Variants in LIFR observed in about 807,000 individuals in gnomAD.
LIFR encodes leukemia inhibitory factor receptor.
Under a neutral mutation model 122.2 loss-of-function variants are expected in LIFR, and 84 were observed. The observed-to-expected ratio is 0.69, with a 90% CI of 0.58 to 0.82. LIFR has a LOEUF of 0.82. Among genes scored for constraint, LIFR ranks in the 40% least tolerant of loss-of-function variants. The probability of loss-of-function intolerance (pLI) is 0.00; values close to 1 mark genes in which losing one functional copy is unlikely to be tolerated. For synonymous variants in LIFR, 422 were observed against 434.7 expected (o/e 0.97, Z 0.36); for missense variants, 1,294 against 1,311.6 (o/e 0.99, Z 0.21).
At chr5:38,544,639 A>G (rs147308389) in intron 1 of LIFR, among the ~76,000 whole-genome samples, 3 of 152,242 alleles carry the variant, frequency 2.0e-5, no homozygotes, top group South Asian at 4.1e-4. Context: ...CCTATTTTAT[A>G]TCCTTCAGCG....
At chr5:38,567,494 C>CTGTATTTATTTATTTATTTATTTA (rs1749060365) in intron 1 of LIFR, among the ~76,000 whole-genome samples, 1 of 88,312 alleles carries the variant, frequency 1.1e-5, no homozygotes, top group Non-Finnish European at 2.5e-5. Flanking sequence ...TATGACCATT[C>CTGTATTTATTTATTTATTTATTTA]TGTATTTATT....
intron 4 of LIFR, among the ~76,000 whole-genome samples, chr5:38,524,070 G>A (rs140666087): frequency 1.3e-3 from 195 of 152,270 alleles, no homozygotes; most frequent in Admixed American, 3.1e-3. Context: ...AGAAGAAAAC[G>A]AGTTTCCTCT....
chr5:38,514,325 CAGATA>C (rs1345400483), intron 5 of LIFR, among the ~76,000 whole-genome samples: 1 of 152,052 alleles, frequency 6.6e-6, no homozygotes, highest in African/African-American at 2.4e-5. Context: ...TCCAGAAGAA[CAGATA>C]AAGATTGATC....
At chr5:38,502,327 G>T (rs1745224547) in intron 11 of LIFR, among the ~76,000 whole-genome samples, 1 of 151,654 alleles carries the variant, frequency 6.6e-6, no homozygotes, top group South Asian at 2.1e-4. Context: ...GCGCAATCTT[G>T]GCTCACTGCA....
At chr5:38,538,084 C>T (rs1747387237) in intron 1 of LIFR, among the ~76,000 whole-genome samples, 1 of 152,178 alleles carries the variant, frequency 6.6e-6, no homozygotes, top group Admixed American at 6.5e-5. Context: ...AAATTAATTT[C>T]AGTGTACAGT....
At chr5:38,529,514 T>C (rs995267557) in intron 2 of LIFR, among the ~76,000 whole-genome samples, 1 of 152,030 alleles carries the variant, frequency 6.6e-6, no homozygotes, top group Non-Finnish European at 1.5e-5. Context: ...AAAGTAACAA[T>C]TCAGAAGATT....
upstream of LIFR, chr5:38,556,725 C>CCCCCGG (rs1349293828): frequency 3.5e-5 from 5 of 142,810 alleles, no homozygotes; most frequent in Middle Eastern, 3.3e-3. Context: ...CCCGCCCCTG[C>CCCCCGG]CCCCGGCCCC....
chr5:38,475,339 C>A lies in LIFR; in HGVS notation c.*6256G>T. ...CAGACTGAATCACACACATGTACTT[C>A]ATCTATAGTTTTCTTCCTGTATAAG... On this transcript the variant is annotated 3_prime_UTR_variant, in exon 20 of 20. Coordinates refer to ENST00000453190, the MANE Select transcript of LIFR (RefSeq NM_001127671.2). 1 of 195,904 alleles carries A rather than the reference C, an allele frequency of 5.1e-6. No homozygotes were observed. Among genetic ancestry groups the A allele is most frequent in the African/African-American group, 2.3e-5 (1 of 43,400 alleles). The allele number at this position is 195,904 out of a possible 1,614,324, so 12.1% of individuals were successfully genotyped here. A position where few individuals can be genotyped will look rare whatever the true frequency, so the allele number is the denominator to read the frequency against.
intron 5 of LIFR, among the ~76,000 whole-genome samples, chr5:38,517,933 C>A: frequency 8.0e-6 from 1 of 124,576 alleles, no homozygotes. Context: ...AGTGAGACCC[C>A]ATCTCTATGA....
intron 14 of LIFR, among the ~76,000 whole-genome samples, chr5:38,493,361 G>A (rs555403876): frequency 6.6e-6 from 1 of 152,070 alleles, no homozygotes; most frequent in South Asian, 2.1e-4. Flanking sequence ...ATACTGTCAT[G>A]AACATTCTTA....
upstream of LIFR, among the ~76,000 whole-genome samples, chr5:38,560,529 T>C (rs1217237755): frequency 6.6e-6 from 1 of 152,182 alleles, no homozygotes; most frequent in African/African-American, 2.4e-5. Flanking sequence ...TGTCAAGTAA[T>C]TTGATAAATT....
intron 9 of LIFR, among the ~76,000 whole-genome samples, 189 bp from the exon 10 acceptor site, chr5:38,504,310 A>G (rs1486418747): frequency 6.6e-6 from 1 of 151,630 alleles, no homozygotes; most frequent in Non-Finnish European, 1.5e-5. Context: ...ATTTTTAAAC[A>G]ATCGATCATG....
At chr5:38,585,041 T>G (rs1749702132) in intron 1 of LIFR, among the ~76,000 whole-genome samples, 2 of 152,330 alleles carry the variant, frequency 1.3e-5, no homozygotes, top group Admixed American at 6.5e-5. Context: ...AAAGAAATAT[T>G]CTTCATAGGA....
upstream of LIFR, among the ~76,000 whole-genome samples, chr5:38,597,441 T>C (rs1032516600): frequency 7.9e-5 from 12 of 152,296 alleles, no homozygotes; most frequent in Admixed American, 6.5e-4. Flanking sequence ...GCCATCTCTC[T>C]GGGGAGGAAA....
chr5:38,489,031 T>C (rs903001164), intron 16 of LIFR, 47 bp downstream of exon 16: 1 of 1,533,286 alleles, frequency 6.5e-7, no homozygotes, highest in African/African-American at 1.4e-5. Context: ...TTGTGGTTAA[T>C]GAGAAACTTC....
At chr5:38,532,297 C>T (rs1050373972) in intron 1 of LIFR, among the ~76,000 whole-genome samples, 1 of 152,186 alleles carries the variant, frequency 6.6e-6, no homozygotes, top group Non-Finnish European at 1.5e-5. Context: ...GATTTAGATG[C>T]TAATCTTGGC....
intron 13 of LIFR, among the ~76,000 whole-genome samples, 195 bp downstream of exon 13, chr5:38,496,187 G>A (rs760607461): frequency 6.6e-6 from 1 of 152,148 alleles, no homozygotes; most frequent in Non-Finnish European, 1.5e-5. Flanking sequence ...GTATCCATCA[G>A]TGCACATGCT....
chr5:38,478,993 G>A lies in LIFR; in HGVS notation c.*2602C>T, dbSNP rs1490410832. 4.3e-6 allele frequency: 1 copy of A among 231,168 alleles called. No homozygotes were observed. Among genetic ancestry groups the A allele is most frequent in the Non-Finnish European group, 8.6e-6 (1 of 116,758 alleles). The allele number at this position is 231,168 out of a possible 1,614,324, so 14.3% of individuals were successfully genotyped here. On this transcript the variant is annotated 3_prime_UTR_variant, in exon 20 of 20. Coordinates refer to ENST00000453190, the MANE Select transcript of LIFR (RefSeq NM_001127671.2). ...AGCACAATCAGTATGAGACCACCTT[G>A]TAAATGCAGGCATGCAACCTTCATT...
At position 38,591,981 on chromosome 5, in the gene LIFR, G is replaced by A. The variant is rs73072828; in HGVS notation, c.-20+3280C>T. Among the ~76,000 whole-genome samples the A allele has an allele frequency of 4.6e-3, 705 of 152,262 alleles. 8 individuals carry two copies. The highest frequency in any genetic ancestry group is 0.016 in the African/African-American group (660 of 41,538). ...TATCACCAATGCCCTGGACTGGTTG[G>A]TGGCACAGACATGCTTACCACTAAC... On this transcript the variant is annotated intron_variant, in intron 1 of 19. Coordinates refer to the LIFR transcript ENST00000263409.
Sources: gnomAD v4.1 joint callset for allele counts (sites outside exome capture counted in the v4.1 genomes callset) on GRCh38, gnomAD v4.1.1 for gene constraint, MANE v1.5 for transcripts, NCBI Gene and HGNC (gene_info 2026-07-23, HGNC 2026-07-21) for gene names.